TUSC3: variants seen among roughly 807,000 people sequenced by gnomAD.
The protein encoded by TUSC3 is tumor suppressor candidate 3, also known as dolichyl-diphosphooligosaccharide--protein glycosyltransferase subunit TUSC3.
A neutral mutation model predicts 44.8 loss-of-function variants in TUSC3; 45 were observed. That is an observed-to-expected ratio of 1.00 (90% confidence interval 0.79 to 1.29). The LOEUF is 1.29. TUSC3 is among the 50% of genes most tolerant of loss of function. TUSC3 has a pLI of 0.00. For synonymous variants in TUSC3, 212 were observed against 152.9 expected, an observed-to-expected ratio of 1.39 and a Z score of -2.85; for missense variants, 519 against 437.9, an observed-to-expected ratio of 1.19 and a Z score of -1.65.
chr8:15,463,691 T>C (rs1171272465), intron 1 of TUSC3, among the ~76,000 whole-genome samples: 1 of 152,170 alleles, frequency 6.6e-6, no homozygotes, highest in African/African-American at 2.4e-5. Context: ...TAAATTATCT[T>C]TTTCATTCAC....
intron 1 of TUSC3, among the ~76,000 whole-genome samples, chr8:15,419,678 T>A (rs1338357579): frequency 1.3e-5 from 2 of 152,200 alleles, no homozygotes; most frequent in African/African-American, 4.8e-5. Context: ...AAAATTTAAC[T>A]GAGAGTTTTA....
At chr8:15,554,811 T>C (rs1045190190) in intron 1 of TUSC3, among the ~76,000 whole-genome samples, 3 of 150,950 alleles carry the variant, frequency 2.0e-5, no homozygotes, top group African/African-American at 7.3e-5. Flanking sequence ...TTCACCGTGT[T>C]AGCCAGGATG....
chr8:15,836,477 A>T, the TUSC3 span, among the ~76,000 whole-genome samples: 161 of 6,166 alleles, frequency 0.026, no homozygotes, highest in Admixed American at 0.032. Context: ...ACTCCATCTC[A>T]AAAAAAAAAA....
chr8:15,426,734 T>G (rs1454132982), intron 1 of TUSC3, among the ~76,000 whole-genome samples: 2 of 152,248 alleles, frequency 1.3e-5, no homozygotes, highest in Admixed American at 1.3e-4. Context: ...TTAATTCTTT[T>G]GGACATATAC....
At chr8:15,623,022 A>G (rs1014043715) in intron 1 of TUSC3, 58 bp from the exon 2 acceptor site, 42 of 1,553,790 alleles carry the variant, frequency 2.7e-5, no homozygotes, top group Middle Eastern at 1.9e-4. Context: ...ATTTATATGA[A>G]ATTCAAACAA....
intron 6 of TUSC3, among the ~76,000 whole-genome samples, chr8:15,682,393 A>T (rs1016665848): frequency 6.6e-6 from 1 of 152,150 alleles, no homozygotes. Context: ...TTCTGGATGA[A>T]TCGAACTCTT....
chr8:15,446,595 C>T lies in TUSC3; in HGVS notation n.91+29290C>T, dbSNP rs531798850. ...TACAAAAACGAGTCAGGCGTGGCGGCGGGCGCCTGCAATCCCAGGCGCTCG... is the reference window on the plus strand; with the variant it reads ...TACAAAAACGAGTCAGGCGTGGCGGTGGGCGCCTGCAATCCCAGGCGCTCG... On this transcript the variant is annotated intron_variant and non_coding_transcript_variant, in intron 1 of 5. Coordinates refer to the TUSC3 transcript ENST00000503191. Among the ~76,000 whole-genome samples the T allele has an allele frequency of 5.6e-3, 845 of 151,810 alleles. 7 individuals are homozygous for T. Among genetic ancestry groups the T allele is most frequent in the Non-Finnish European group, 9.6e-3 (654 of 67,876 alleles).
At chr8:15,842,880 C>G in the TUSC3 span, among the ~76,000 whole-genome samples, 3 of 152,176 alleles carry the variant, frequency 2.0e-5, no homozygotes, top group Non-Finnish European at 4.4e-5. Context: ...ATCCTTTCAG[C>G]CATGTTGCCA....
upstream of TUSC3, among the ~76,000 whole-genome samples, chr8:15,535,653 T>C (rs989056292): frequency 4.6e-5 from 7 of 152,144 alleles, no homozygotes; most frequent in African/African-American, 1.7e-4. Flanking sequence ...ACAGTATGAA[T>C]ACATACCCTC....
intron 1 of TUSC3, among the ~76,000 whole-genome samples, chr8:15,576,179 C>G (rs1041541119): frequency 1.3e-5 from 2 of 148,592 alleles, no homozygotes; most frequent in African/African-American, 4.9e-5. Flanking sequence ...TTATGAGAGA[C>G]TGAATTATTA....
At chr8:15,673,668 G>A (rs992849971) in intron 5 of TUSC3, 79 bp from the exon 6 acceptor site, 2 of 1,188,616 alleles carry the variant, frequency 1.7e-6, no homozygotes, top group East Asian at 4.7e-5. Flanking sequence ...ATACTTTCAT[G>A]ATGACCATTG....
At chr8:15,629,427 G>A (rs1032691621) in intron 2 of TUSC3, among the ~76,000 whole-genome samples, 1 of 152,024 alleles carries the variant, frequency 6.6e-6, no homozygotes, top group Non-Finnish European at 1.5e-5. Context: ...ATGAAAAGGT[G>A]AAGAGGAGTT....
chr8:15,435,738 A>C (rs974675466), intron 1 of TUSC3, among the ~76,000 whole-genome samples: 4 of 152,238 alleles, frequency 2.6e-5, no homozygotes, highest in African/African-American at 7.2e-5. Flanking sequence ...AAGGATTTTT[A>C]AGGAATTTAA....
At position 15,677,253 on chromosome 8, in the gene TUSC3, G is replaced by A. The variant is rs570481668; in HGVS notation, c.798+3417G>A. On this transcript the variant is annotated intron_variant, in intron 6 of 10. Coordinates refer to ENST00000503731, the MANE Select transcript of TUSC3 (RefSeq NM_006765.4). ...GGACTCAAGCAGCTCTCCTGCATTGGCCTCCCTGAGTTCTCGGATTACAGG... is the reference window on the plus strand; with the variant it reads ...GGACTCAAGCAGCTCTCCTGCATTGACCTCCCTGAGTTCTCGGATTACAGG... Among the ~76,000 whole-genome samples, 10 of 152,198 alleles carry A rather than the reference G, an allele frequency of 6.6e-5. No individual in the cohort carries two copies. In the East Asian group the frequency reaches 1.9e-3, roughly 29 times the overall value.
At chr8:15,481,164 C>T (rs558591671) in intron 1 of TUSC3, among the ~76,000 whole-genome samples, 23 of 149,218 alleles carry the variant, frequency 1.5e-4, no homozygotes, top group African/African-American at 5.7e-4. Context: ...AGGAGAACTG[C>T]TTGAACCTGG....
chr8:15,509,862 T>C (rs1423194140), intron 2 of TUSC3, among the ~76,000 whole-genome samples: 1 of 152,140 alleles, frequency 6.6e-6, no homozygotes, highest in East Asian at 1.9e-4. Flanking sequence ...AAATATGTAT[T>C]TTTGAAATTT....
At chr8:15,422,340 A>C (rs1054497293) in intron 1 of TUSC3, among the ~76,000 whole-genome samples, 5 of 152,170 alleles carry the variant, frequency 3.3e-5, no homozygotes, top group African/African-American at 1.2e-4. Context: ...ACCTAATACC[A>C]CATGGTATCC....
intron 1 of TUSC3, among the ~76,000 whole-genome samples, chr8:15,469,606 A>G (rs896005724): frequency 7.2e-5 from 11 of 152,218 alleles, no homozygotes; most frequent in African/African-American, 2.7e-4. Context: ...TTAAAATTAA[A>G]CATATTCTTA....
At chr8:15,512,399 G>A (rs557218265) in intron 2 of TUSC3, among the ~76,000 whole-genome samples, 1 of 152,260 alleles carries the variant, frequency 6.6e-6, no homozygotes, top group African/African-American at 2.4e-5. Context: ...CTCTTCCTGA[G>A]TCTCCTGTCT....
Sources: allele counts gnomAD v4.1 joint callset (sites outside exome capture counted in the v4.1 genomes callset), GRCh38; gene constraint gnomAD v4.1.1; transcripts MANE v1.5; gene names NCBI Gene and HGNC (gene_info 2026-07-23, HGNC 2026-07-21).